Variants in FPGT observed in about 807,000 individuals in gnomAD.
FPGT encodes the protein fucose-1-phosphate guanylyltransferase.
In FPGT, 41 loss-of-function variants were observed where a neutral mutation model predicts 45.8. That is an observed-to-expected ratio of 0.90 (90% CI 0.70 to 1.16). The LOEUF is 1.16. Among genes scored for constraint, FPGT ranks in the 50% most tolerant of loss-of-function variants. The pLI is 0.00. For missense variants in FPGT, 755 were observed against 689.1 expected (o/e 1.10, Z -1.07); for synonymous variants, 292 against 247.2 (o/e 1.18, Z -1.70).
At position 74,205,565 on chromosome 1, in the gene FPGT, TA is replaced by T. The variant is rs755179170; in HGVS notation, c.1521del (p.Val508LeufsTer13). On this transcript the variant is annotated frameshift_variant, in exon 4 of 4. Coordinates refer to ENST00000370898, the MANE Select transcript of FPGT (RefSeq NM_003838.5). LOFTEE classifies it high-confidence loss of function. The part of the protein sequence containing the change: ...FLSCLDVWNL[K>X]VTEELFSGNK... ...TGTCATGCTTAGATGTTTGGAATCT[TA>T]AAGTTACAGAGGAACTGTTCTCTGG... 3.1e-6 allele frequency: 5 copies of T among 1,613,628 alleles called. No individual in the cohort carries two copies. In the Admixed American group the frequency reaches 8.3e-5, roughly 27 times the overall value.
intron 1 of FPGT, among the ~76,000 whole-genome samples, chr1:74,198,839 A>G (rs1271843765): frequency 6.6e-6 from 1 of 152,188 alleles, no homozygotes; most frequent in Non-Finnish European, 1.5e-5. Flanking sequence ...GAAATTTGTT[A>G]TCAAAAAATT....
intron 2 of FPGT, chr1:74,200,894 A>G (rs565447735): frequency 6.4e-6 from 1 of 155,262 alleles, no homozygotes; most frequent in East Asian, 1.9e-4. Context: ...TGGGAATCCA[A>G]GTTCTAAAAA....
At chr1:74,200,312 T>A (rs1651669811) in intron 2 of FPGT, among the ~76,000 whole-genome samples, 1 of 152,156 alleles carries the variant, frequency 6.6e-6, no homozygotes, top group Admixed American at 6.6e-5. Context: ...CCTTTGACCG[T>A]CCATTGCAAA....
In FPGT at chr1:74,206,239, A is replaced by G. The variant is rs1472849500; in HGVS notation, c.*407A>G. ...TTCTATTTTTAATAATAAAAATGGC[A>G]TACTGTAGGGTCTTCAGAGTAGTGT... On this transcript the variant is annotated 3_prime_UTR_variant, in exon 4 of 4. Transcript: ENST00000370898. The G allele has an allele frequency of 6.3e-6, 1 of 159,158 alleles. No homozygotes were observed. The highest frequency in any genetic ancestry group is 2.4e-5 in the African/African-American group (1 of 41,512). The allele number at this position is 159,158 out of a possible 1,614,324, so 9.9% of individuals were successfully genotyped here.
chr1:74,205,312 C>G lies in FPGT; in HGVS notation c.1265C>G (p.Ser422Cys). The change falls in exon 4 of 4, where the codon TCC becomes TGC. Residue 422 changes from serine (S) to cysteine (C), a missense_variant. By Grantham distance (112) the Ser-to-Cys change is moderately radical (BLOSUM62 -1). Coordinates refer to ENST00000370898, the MANE Select transcript of FPGT (RefSeq NM_003838.5). The part of the protein sequence containing the change: ...SVAPGSVVEY[S>C]RLGPDVSVGE... ...GCACCTGGCTCAGTTGTGGAGTATT[C>G]CAGATTGGGGCCTGATGTTTCAGTT... The G allele has an allele frequency of 1.2e-6, 2 of 1,614,034 alleles. No homozygotes were observed. The highest frequency in any genetic ancestry group is 2.2e-5 in the East Asian group (1 of 44,880).
chr1:74,205,646 T>G lies in FPGT; in HGVS notation c.1599T>G (p.Ser533=), dbSNP rs1222924813. The G allele has an allele frequency of 2.5e-6, 4 of 1,611,910 alleles. No individual in the cohort carries two copies. In the African/African-American group the frequency reaches 4.0e-5, roughly 16 times the overall value. ...CACGCATTTTCCCAGTTTGTTCTTC[T>G]TTGAGTGACTCAGTTATAACATCCC... The part of the protein sequence containing the change: ...WTARIFPVCS[S]LSDSVITSLK... The change falls in exon 4 of 4, where the codon TCT becomes TCG. Residue 533 remains serine, a synonymous_variant. Coordinates refer to ENST00000370898, the MANE Select transcript of FPGT (RefSeq NM_003838.5).
chr1:74,208,689 C>T lies in FPGT; in HGVS notation c.*2857C>T, dbSNP rs1419604193. 8.6e-5 allele frequency among the ~76,000 whole-genome samples: 13 copies of T among 152,006 alleles called. No homozygotes were observed. The highest frequency in any genetic ancestry group is 2.9e-4 in the African/African-American group (12 of 41,382). ...TCAGTGTATACTGATTGAAATAAAG[C>T]TTTAAAAATCCAAGTGATACTCTGA... On this transcript the variant is annotated 3_prime_UTR_variant, in exon 4 of 4. Transcript: ENST00000370898.
Position 74,208,557 on chromosome 1 carries a change from A to G in FPGT, c.*2725A>G, listed in dbSNP as rs1346585023. Among the ~76,000 whole-genome samples, 1 of 152,114 alleles carries G rather than the reference A, an allele frequency of 6.6e-6. No individual in the cohort carries two copies. The highest frequency in any genetic ancestry group is 2.4e-5 in the African/African-American group (1 of 41,450). ...GTAACTATAATCCATAAACTTATTGATGATTTAATAACTATCAACAAGGGC... is the reference window on the plus strand; with the variant it reads ...GTAACTATAATCCATAAACTTATTGGTGATTTAATAACTATCAACAAGGGC... On this transcript the variant is annotated 3_prime_UTR_variant, in exon 4 of 4. Coordinates refer to ENST00000370898, the MANE Select transcript of FPGT (RefSeq NM_003838.5).
At position 74,205,112 on chromosome 1, in the gene FPGT, AT is replaced by A. The variant is rs1652156321; in HGVS notation, c.1069del (p.Tyr357IlefsTer19). 1.2e-6 allele frequency: 2 copies of A among 1,613,534 alleles called. No individual in the cohort carries two copies. Among genetic ancestry groups the A allele is most frequent in the Admixed American group, 1.7e-5 (1 of 59,992 alleles). Reference protein sequence around the residue: ...LNVVVLNNSKFYHIGTTEEYL... With the variant: ...LNVVVLNNSKXYHIGTTEEYL... ...ATGTTGTTGTTCTTAATAACTCCAAATTTTATCACATTGGAACAACCGAAGA... is the reference window on the plus strand; with the variant it reads ...ATGTTGTTGTTCTTAATAACTCCAAATTTATCACATTGGAACAACCGAAGA... On this transcript the variant is annotated frameshift_variant, in exon 4 of 4. Transcript: ENST00000370898. LOFTEE classifies it high-confidence loss of function.
At chr1:74,202,328 T>C (rs938093419) in intron 3 of FPGT, among the ~76,000 whole-genome samples, 3 of 152,186 alleles carry the variant, frequency 2.0e-5, no homozygotes, top group Admixed American at 6.5e-5. Context: ...TTCATTCTTA[T>C]GATTTACATA....
At chr1:74,201,557 T>C (rs749871867) in intron 3 of FPGT, 147 bp downstream of exon 3, 7 of 592,340 alleles carry the variant, frequency 1.2e-5, no homozygotes, top group Non-Finnish European at 1.9e-5. Context: ...TATTTTATGA[T>C]TTTCATGACT....
Position 74,205,730 on chromosome 1 carries a change from G to T in FPGT, c.1683G>T (p.Leu561Phe). The T allele has an allele frequency of 1.9e-6, 3 of 1,606,034 alleles. No individual in the cohort carries two copies. Among genetic ancestry groups the T allele is most frequent in the Non-Finnish European group, 2.6e-6 (3 of 1,172,742 alleles). ...CATTCAGCCTGAATAGCTATAAGTT[G>T]CTGTCCATTGAAGAAATGCTTATCT... ...KSAFSLNSYKLLSIEEMLIYK... is the reference protein window; with the variant it reads ...KSAFSLNSYKFLSIEEMLIYK... Residue 561 changes from leucine (L) to phenylalanine (F), a missense_variant, in exon 4 of 4, where the codon TTG (leucine) becomes TTT (phenylalanine). Leu to Phe is a conservative substitution (Grantham distance 22). Coordinates refer to ENST00000370898, the MANE Select transcript of FPGT (RefSeq NM_003838.5).
chr1:74,204,053 A>C (rs1476120577), intron 3 of FPGT, among the ~76,000 whole-genome samples: 1 of 151,986 alleles, frequency 6.6e-6, no homozygotes, highest in South Asian at 2.1e-4. Flanking sequence ...AAAAAAAAAA[A>C]ACAAATGTAG....
At chr1:74,199,860 A>G (rs1440383834) in intron 2 of FPGT, 29 bp downstream of exon 2, 2 of 1,609,396 alleles carry the variant, frequency 1.2e-6, no homozygotes, top group South Asian at 1.1e-5. Flanking sequence ...GTTTTATAAT[A>G]TAGGTCCTAA....
In FPGT at chr1:74,198,320, A is replaced by C. The variant is rs1192102278; in HGVS notation, c.42A>C (p.Glu14Asp). The C allele has an allele frequency of 1.9e-6, 3 of 1,614,062 alleles. No individual in the cohort carries two copies. The highest frequency in any genetic ancestry group is 2.5e-6 in the Non-Finnish European group (3 of 1,180,036). Residue 14 changes from glutamate (E) to aspartate (D), a missense_variant, in exon 1 of 4, where the codon GAA becomes GAC. Coordinates refer to ENST00000370898, the MANE Select transcript of FPGT (RefSeq NM_003838.5). ...ARDPPEVSLR[E>D]ATQRKLRRFS... ...ACCCTCCGGAAGTATCGCTGCGAGA[A>C]GCCACCCAGCGAAAATTGCGGAGGT...
chr1:74,203,391 A>ATT (rs750174855), intron 3 of FPGT, among the ~76,000 whole-genome samples: 1 of 115,786 alleles, frequency 8.6e-6, no homozygotes. Flanking sequence ...TGTGAAGTAG[A>ATT]TTTTTTTTTT....
chr1:74,203,194 C>T (rs1033942246), intron 3 of FPGT, among the ~76,000 whole-genome samples: 2 of 152,120 alleles, frequency 1.3e-5, no homozygotes, highest in African/African-American at 4.8e-5. Context: ...ACCAGCATCA[C>T]CACTTGAGTG....
In FPGT at chr1:74,198,250, T is replaced by C. The variant is rs752502862; in HGVS notation, c.-29T>C. The C allele has an allele frequency of 2.5e-6, 4 of 1,611,468 alleles. No individual in the cohort carries two copies. The Admixed American group carries it at 6.7e-5, about 27-fold the overall frequency. The stretch of plus-strand genomic sequence containing the variant: ...CGCACCCCAGGGCGCATGCGTGCTG[T>C]GCGGCGCGGTCTCAGGGAAGGTGGG... On this transcript the variant is annotated 5_prime_UTR_variant, in exon 1 of 4. Coordinates refer to ENST00000370898, the MANE Select transcript of FPGT (RefSeq NM_003838.5).
At position 74,207,023 on chromosome 1, in the gene FPGT, C is replaced by T. The variant is rs1052898606; in HGVS notation, c.*1191C>T. On this transcript the variant is annotated 3_prime_UTR_variant, in exon 4 of 4. Coordinates refer to ENST00000370898, the MANE Select transcript of FPGT (RefSeq NM_003838.5). ...GCGTGTTTTTTTTTCCAAAGTTTTT[C>T]CCAAGGAGAAGATACAAATATATGG... The T allele has an allele frequency of 2.0e-5, 3 of 151,360 alleles. No individual in the cohort carries two copies. Among genetic ancestry groups the T allele is most frequent in the Non-Finnish European group, 2.9e-5 (2 of 67,800 alleles). The allele number at this position is 151,360 out of a possible 1,614,324, so 9.4% of individuals were successfully genotyped here. A position where few individuals can be genotyped will look rare whatever the true frequency, so the allele number is the denominator to read the frequency against.
Sources: allele counts gnomAD v4.1 joint callset (sites outside exome capture counted in the v4.1 genomes callset), GRCh38; gene constraint gnomAD v4.1.1; transcripts MANE v1.5; gene names NCBI Gene and HGNC (gene_info 2026-07-23, HGNC 2026-07-21).